The following KCND2 variants were observed in gnomAD, a reference collection of about 807,000 sequenced individuals.
KCND2 encodes A-type voltage-gated potassium channel KCND2.
KCND2 carries 16 observed loss-of-function variants against 54.4 expected under a neutral mutation model. That is an observed-to-expected ratio of 0.29 (90% CI 0.20 to 0.45). KCND2 has a LOEUF of 0.45. Among genes scored for constraint, KCND2 ranks in the 20% least tolerant of loss-of-function variants. The pLI is 1.00. For missense variants in KCND2, 486 were observed against 824.2 expected, an observed-to-expected ratio of 0.59 and a Z score of 5.02; for synonymous variants, 317 against 310.7, an observed-to-expected ratio of 1.02 and a Z score of -0.21.
intron 1 of KCND2, among the ~76,000 whole-genome samples, chr7:120,622,647 T>C (rs1214337248): frequency 6.7e-6 from 1 of 150,202 alleles, no homozygotes; most frequent in Non-Finnish European, 1.5e-5. Flanking sequence ...GGCTTTAAAG[T>C]AACACTTCCT....
Position 120,742,521 on chromosome 7 carries a change from T to G in KCND2, c.1386T>G (p.Asp462Glu), listed in dbSNP as rs752378240. The G allele has an allele frequency of 6.2e-7, 1 of 1,613,346 alleles. No individual in the cohort carries two copies. The highest frequency in any genetic ancestry group is 1.1e-5 in the South Asian group (1 of 91,080). ...CTCTTTGTTAACAGTCCTCAGAGGA[T>G]GAGCAGGCTTTTGTTAGCAAATCCG... ...LLSNQLQSSE[D>E]EQAFVSKSGS... Residue 462 changes from aspartate to glutamate, a missense_variant, in exon 4 of 6, where the codon GAT becomes GAG. Physicochemically the swap from Asp to Glu is conservative, Grantham distance 45 (BLOSUM62 2). Coordinates refer to ENST00000331113, the MANE Select transcript of KCND2 (RefSeq NM_012281.3).
intron 2 of KCND2, 37 bp downstream of exon 2, chr7:120,733,102 T>G: frequency 6.2e-7 from 1 of 1,606,368 alleles, no homozygotes; most frequent in Non-Finnish European, 8.5e-7. Flanking sequence ...GGTTTAGCAC[T>G]TCCCACTTTT....
chr7:120,517,137 C>T (rs1158782216), intron 1 of KCND2, among the ~76,000 whole-genome samples: 4 of 152,168 alleles, frequency 2.6e-5, no homozygotes, highest in East Asian at 1.9e-4. Flanking sequence ...AAAGTAACCT[C>T]ATTGTACATT....
intron 1 of KCND2, among the ~76,000 whole-genome samples, chr7:120,374,118 G>A (rs980035352): frequency 2.0e-5 from 3 of 151,554 alleles, no homozygotes; most frequent in Non-Finnish European, 3.0e-5. Context: ...ATTCCAGTAG[G>A]TTTTTATCTT....
At chr7:120,739,661 G>A (rs1262850062) in intron 2 of KCND2, among the ~76,000 whole-genome samples, 1 of 151,884 alleles carries the variant, frequency 6.6e-6, no homozygotes, top group Non-Finnish European at 1.5e-5. Flanking sequence ...AAGGGAAGAG[G>A]GGTGGAGTTA....
intron 1 of KCND2, among the ~76,000 whole-genome samples, chr7:120,660,424 G>A (rs376620751): frequency 2.0e-5 from 3 of 152,034 alleles, no homozygotes; most frequent in South Asian, 2.1e-4. Context: ...AATTAAGAAC[G>A]GATCATTTAT....
intron 1 of KCND2, among the ~76,000 whole-genome samples, chr7:120,468,404 A>G (rs1802408965): frequency 6.6e-6 from 1 of 152,052 alleles, no homozygotes; most frequent in African/African-American, 2.4e-5. Context: ...CTTCTTCTGA[A>G]CATCATCATA....
intron 1 of KCND2, among the ~76,000 whole-genome samples, chr7:120,446,570 A>G (rs1256598767): frequency 6.6e-6 from 1 of 152,156 alleles, no homozygotes; most frequent in Non-Finnish European, 1.5e-5. Context: ...ACACATACAC[A>G]TACACATACA....
In KCND2 at chr7:120,748,746, T is replaced by A. The variant is rs1793037065; in HGVS notation, c.*888T>A. On this transcript the variant is annotated 3_prime_UTR_variant, in exon 6 of 6. Transcript: ENST00000331113. ...AGGTAACTTTTTAATCCAAAACTAT[T>A]GTGCCATAAATGTTTTTCAGTAATA... 6.6e-6 allele frequency: 1 copy of A among 152,148 alleles called. No individual in the cohort carries two copies. The highest frequency in any genetic ancestry group is 6.6e-5 in the Admixed American group (1 of 15,230). 9.4% of individuals were successfully genotyped at this position (152,148 alleles called of 1,614,324 possible).
chr7:120,642,774 A>C (rs977790705), intron 1 of KCND2, among the ~76,000 whole-genome samples: 3 of 152,132 alleles, frequency 2.0e-5, no homozygotes, highest in African/African-American at 4.8e-5. Context: ...TAAATAAACT[A>C]TTTCTTTATG....
intron 1 of KCND2, among the ~76,000 whole-genome samples, chr7:120,457,575 C>A (rs1461445870): frequency 1.3e-5 from 2 of 152,188 alleles, no homozygotes; most frequent in African/African-American, 2.4e-5. Flanking sequence ...ATCACCTCAG[C>A]CTGGATTTTA....
intron 1 of KCND2, among the ~76,000 whole-genome samples, chr7:120,430,577 G>A (rs1224400619): frequency 6.6e-6 from 1 of 151,872 alleles, no homozygotes; most frequent in African/African-American, 2.4e-5. Flanking sequence ...TCTGATTATA[G>A]ATTTCATGTT....
At chr7:120,563,291 A>T (rs2116413939) in intron 1 of KCND2, among the ~76,000 whole-genome samples, 1 of 152,026 alleles carries the variant, frequency 6.6e-6, no homozygotes, top group Non-Finnish European at 1.5e-5. Context: ...GGCCCATAAA[A>T]CCCTTCCTCT....
At chr7:120,711,614 T>C (rs1458425346) in intron 1 of KCND2, among the ~76,000 whole-genome samples, 2 of 152,184 alleles carry the variant, frequency 1.3e-5, no homozygotes, top group Non-Finnish European at 2.9e-5. Context: ...ATACCCGTTC[T>C]TGTAATTGAA....
At chr7:120,337,314 ATTGAAG>A (rs1234615630) in intron 1 of KCND2, among the ~76,000 whole-genome samples, 1 of 152,194 alleles carries the variant, frequency 6.6e-6, no homozygotes, top group African/African-American at 2.4e-5. Flanking sequence ...AATTTTGGCA[ATTGAAG>A]TTGAAGTCAT....
At chr7:120,343,329 T>C (rs562695546) in intron 1 of KCND2, among the ~76,000 whole-genome samples, 1 of 152,232 alleles carries the variant, frequency 6.6e-6, no homozygotes, top group South Asian at 2.1e-4. Flanking sequence ...AAGTTATATA[T>C]GGACTCTGTG....
At chr7:120,483,197 A>G (rs953759133) in intron 1 of KCND2, among the ~76,000 whole-genome samples, 7 of 152,208 alleles carry the variant, frequency 4.6e-5, no homozygotes, top group African/African-American at 1.7e-4. Flanking sequence ...TGACACTATC[A>G]GAGTCTTTAA....
chr7:120,463,945 C>T (rs530625708), intron 1 of KCND2: 5 of 319,782 alleles, frequency 1.6e-5, no homozygotes, highest in African/African-American at 3.0e-5. Context: ...ATAGATAGAT[C>T]GACAGATGGA....
At chr7:120,595,567 GTGTGTATATATA>G in intron 1 of KCND2, among the ~76,000 whole-genome samples, 1 of 123,244 alleles carries the variant, frequency 8.1e-6, no homozygotes, top group Non-Finnish European at 1.7e-5. Flanking sequence ...ATATATATGT[GTGTGTATATATA>G]TGTGTGTGTG....
Sources: allele counts gnomAD v4.1 joint callset (sites outside exome capture counted in the v4.1 genomes callset), GRCh38; gene constraint gnomAD v4.1.1; transcripts MANE v1.5; gene names NCBI Gene and HGNC (gene_info 2026-07-23, HGNC 2026-07-21).